The following RANBP2 variants were observed in gnomAD, a reference collection of about 807,000 sequenced individuals.
RANBP2 encodes the protein RAN binding protein 2, also known as E3 SUMO-protein ligase RanBP2.
In RANBP2, 57 loss-of-function variants were observed where a neutral mutation model predicts 303.6. The ratio of observed to expected loss-of-function variants is 0.19; its 90% CI spans 0.15 to 0.23. The LOEUF is 0.23. RANBP2 is among the 10% of genes least tolerant of loss of function. RANBP2 has a pLI of 1.00. For missense variants in RANBP2, 3,138 were observed against 3,780.8 expected (o/e 0.83, Z 4.46); for synonymous variants, 1,167 against 1,301.5 (o/e 0.90, Z 2.23).
the RANBP2 span, among the ~76,000 whole-genome samples, chr2:109,726,656 C>T: frequency 6.6e-6 from 1 of 152,212 alleles, no homozygotes; most frequent in South Asian, 2.1e-4. Flanking sequence ...AAGGAGTCTT[C>T]GAGTTTTTTT....
At chr2:109,644,987 G>A in the RANBP2 span, among the ~76,000 whole-genome samples, 6 of 152,178 alleles carry the variant, frequency 3.9e-5, no homozygotes, top group African/African-American at 1.4e-4. Flanking sequence ...CCCAGGAAAA[G>A]CACTGCAGTG....
chr2:108,749,267 G>T (rs1417418504), intron 9 of RANBP2, 138 bp downstream of exon 9: 2 of 1,436,882 alleles, frequency 1.4e-6, no homozygotes, highest in African/African-American at 1.4e-5. Context: ...GAGTTTGAAT[G>T]TGGTGCTGTG....
chr2:108,731,397 A>G lies in RANBP2; in HGVS notation c.328A>G (p.Thr110Ala). 1.2e-6 allele frequency: 2 copies of G among 1,611,582 alleles called. No homozygotes were observed. Among genetic ancestry groups the G allele is most frequent in the Non-Finnish European group, 1.7e-6 (2 of 1,179,606 alleles). Residue 110 changes from threonine (T) to alanine (A), a missense_variant, in exon 4 of 29, where the codon ACT (threonine) becomes GCT (alanine). By Grantham distance (58) the Thr-to-Ala change is moderately conservative (BLOSUM62 0). Transcript: ENST00000283195. ...IAELLCKNDV[T>A]DGRAKYWLER... ...AGAATTGCTTTGTAAAAATGATGTT[A>G]CTGATGGAAGAGCAAAATACTGGCT...
chr2:108,952,537 A>G, the RANBP2 span, among the ~76,000 whole-genome samples: 2 of 152,302 alleles, frequency 1.3e-5, no homozygotes, highest in African/African-American at 4.8e-5. Flanking sequence ...TTTCAGATAT[A>G]CTTTTCACTT....
At chr2:109,312,529 G>A in the RANBP2 span, among the ~76,000 whole-genome samples, 9 of 151,600 alleles carry the variant, frequency 5.9e-5, no homozygotes, top group African/African-American at 1.7e-4. Flanking sequence ...CAGCCACCCC[G>A]CTGGGCCCCT....
the RANBP2 span, among the ~76,000 whole-genome samples, chr2:109,204,944 A>C: frequency 6.6e-6 from 1 of 152,224 alleles, no homozygotes; most frequent in Non-Finnish European, 1.5e-5. Context: ...ATGGTGGCTC[A>C]TGCCTGTAAT....
the RANBP2 span, among the ~76,000 whole-genome samples, chr2:109,565,024 C>A: frequency 6.6e-6 from 1 of 152,280 alleles, no homozygotes; most frequent in Non-Finnish European, 1.5e-5. Context: ...CTGTGTTAGA[C>A]ACTATTCAAA....
At chr2:108,857,504 C>G in the RANBP2 span, among the ~76,000 whole-genome samples, 3 of 152,316 alleles carry the variant, frequency 2.0e-5, no homozygotes, top group African/African-American at 7.2e-5. Flanking sequence ...AAAGCCACAT[C>G]TCTGACTCTA....
chr2:109,423,027 G>T, the RANBP2 span, among the ~76,000 whole-genome samples: 1 of 152,172 alleles, frequency 6.6e-6, no homozygotes, highest in Non-Finnish European at 1.5e-5. Flanking sequence ...GCCTTGGTCT[G>T]GGACTGCATG....
the RANBP2 span, among the ~76,000 whole-genome samples, chr2:109,458,728 A>C: frequency 6.6e-6 from 1 of 152,258 alleles, no homozygotes; most frequent in Non-Finnish European, 1.5e-5. Context: ...ATCATTGTCC[A>C]CAGGATGCCT....
rs564502843 is a variant in RANBP2 at position 108,749,194 on chromosome 2, T to C, written c.1273+65T>C. ...TTCTTATAAATTGCCCATAATCTTA[T>C]TACCCAGAAATAACGACTTAATATT... On this transcript the variant is annotated intron_variant, in intron 9 of 28. Coordinates refer to ENST00000283195, the MANE Select transcript of RANBP2 (RefSeq NM_006267.5). 2.5e-6 allele frequency: 4 copies of C among 1,609,440 alleles called. No individual in the cohort carries two copies. The East Asian group carries it at 8.9e-5, about 36-fold the overall frequency.
the RANBP2 span, chr2:108,815,964 T>C: frequency 6.2e-7 from 1 of 1,611,522 alleles, no homozygotes; most frequent in Non-Finnish European, 8.5e-7. Context: ...GGCAAGTTTA[T>C]GAACTTTTAA....
At chr2:108,818,181 C>CGT in the RANBP2 span, among the ~76,000 whole-genome samples, 1 of 152,098 alleles carries the variant, frequency 6.6e-6, no homozygotes, top group Non-Finnish European at 1.5e-5. Context: ...TGGCACGCGC[C>CGT]TATAACCCCA....
chr2:109,439,319 G>T, the RANBP2 span, among the ~76,000 whole-genome samples: 1 of 152,120 alleles, frequency 6.6e-6, no homozygotes, highest in African/African-American at 2.4e-5. Context: ...TTGTCCCCAC[G>T]CTATTGCTGT....
the RANBP2 span, among the ~76,000 whole-genome samples, chr2:109,697,936 T>G: frequency 2.0e-5 from 3 of 149,194 alleles, no homozygotes; most frequent in Non-Finnish European, 4.4e-5. Flanking sequence ...CTCGGCTCAC[T>G]GCGACCTCCG....
the RANBP2 span, among the ~76,000 whole-genome samples, chr2:109,135,924 A>G: frequency 2.8e-4 from 42 of 152,322 alleles, no homozygotes; most frequent in Non-Finnish European, 5.6e-4. Flanking sequence ...GCAGGGGAGA[A>G]TAATCCTGCT....
the RANBP2 span, among the ~76,000 whole-genome samples, chr2:109,473,712 C>T: frequency 6.6e-6 from 1 of 150,376 alleles, no homozygotes. Context: ...CCAGCTCACT[C>T]AGCCACCCAC....
At chr2:109,242,605 G>A in the RANBP2 span, among the ~76,000 whole-genome samples, 1 of 152,334 alleles carries the variant, frequency 6.6e-6, no homozygotes, top group Non-Finnish European at 1.5e-5. Context: ...GAGACCTCCT[G>A]CTTTGACTTT....
At chr2:108,787,313 G>T (rs989384008), downstream of RANBP2, among the ~76,000 whole-genome samples, 3 of 152,144 alleles carry the variant, frequency 2.0e-5, no homozygotes, top group South Asian at 2.1e-4. Flanking sequence ...ACCCTCACTT[G>T]CATTCACAAA....
Sources: allele counts gnomAD v4.1 joint callset (sites outside exome capture counted in the v4.1 genomes callset), GRCh38; gene constraint gnomAD v4.1.1; transcripts MANE v1.5; gene names NCBI Gene and HGNC (gene_info 2026-07-23, HGNC 2026-07-21).